Variants in NOTCH1 observed in about 807,000 individuals in gnomAD.
The protein encoded by NOTCH1 is notch receptor 1.
A neutral mutation model predicts 254.8 loss-of-function variants in NOTCH1; 37 were observed. The observed-to-expected ratio is 0.15, with a 90% confidence interval of 0.11 to 0.19. The LOEUF (loss-of-function observed/expected upper bound fraction) is 0.19. Ranked by LOEUF, NOTCH1 falls within the 10% of genes least tolerant of loss-of-function variation. The pLI is 1.00. For missense variants in NOTCH1, 2,972 were observed against 3,708.6 expected, an observed-to-expected ratio of 0.80 and a Z score of 5.16; for synonymous variants, 1,731 against 1,618.1, an observed-to-expected ratio of 1.07 and a Z score of -1.68.
Position 136,515,775 on chromosome 9 carries a change from C to A in NOTCH1, c.1670-59G>T, listed in dbSNP as rs55824162. On this transcript the variant is annotated intron_variant, in intron 10 of 33. Coordinates refer to ENST00000651671, the MANE Select transcript of NOTCH1 (RefSeq NM_017617.5). ...TAGGACTGGCGGCCCCCGGGACACC[C>A]ATGACCAGACCTGGGGTCACCTGTG... The A allele has an allele frequency of 2.6e-3, 3,872 of 1,467,898 alleles. 13 individuals are homozygous for A. The highest frequency in any genetic ancestry group is 3.2e-3 in the Non-Finnish European group (3,512 of 1,089,730). 90.9% of individuals were successfully genotyped at this position (1,467,898 alleles called of 1,614,324 possible).
At chr9:136,507,182 C>T in intron 22 of NOTCH1, 123 bp downstream of exon 22, 1 of 1,561,040 alleles carries the variant, frequency 6.4e-7, no homozygotes, top group East Asian at 2.3e-5. Context: ...GCCTTGGCCT[C>T]ACACAGGAAA....
In NOTCH1 at chr9:136,536,567, C is replaced by T. The variant is rs375684148; in HGVS notation, c.140+7457G>A. Reference sequence around the variant, plus strand: ...ATGTGTCCAAAGCCTCACTGCCCCCCGCTGCCCCAGCCACCGCCGCTCCTT... The same window carrying T: ...ATGTGTCCAAAGCCTCACTGCCCCCTGCTGCCCCAGCCACCGCCGCTCCTT... On this transcript the variant is annotated intron_variant, in intron 2 of 33. Transcript: ENST00000651671. 1.8e-4 allele frequency among the ~76,000 whole-genome samples: 28 copies of T among 152,352 alleles called. No homozygotes were observed. The East Asian group carries it at 3.9e-3, about 21-fold the overall frequency.
rs575992010 is a variant in NOTCH1 at position 136,513,605 on chromosome 9, G to A, written c.2208-68C>T. On this transcript the variant is annotated intron_variant, in intron 13 of 33. Transcript: ENST00000651671. This position sits in a 1 kb window ranked among gnomAD's most constrained non-coding sequence, Gnocchi z 4.7. ...GCACGGCCGGGGCCTGGGCACTCCC[G>A]GGTCTGCAATGCCCTATGGGCTGGC... The A allele has an allele frequency of 5.2e-5, 82 of 1,580,272 alleles. 1 individual carries two copies. The highest frequency in any genetic ancestry group is 1.0e-4 in the Admixed American group (6 of 58,518).
chr9:136,540,061 G>C lies in NOTCH1; in HGVS notation c.140+3963C>G, dbSNP rs1313393277. 1.3e-5 allele frequency among the ~76,000 whole-genome samples: 2 copies of C among 152,198 alleles called. No homozygotes were observed. Among genetic ancestry groups the C allele is most frequent in the Admixed American group, 1.3e-4 (2 of 15,286 alleles). On this transcript the variant is annotated intron_variant, in intron 2 of 33. Transcript: ENST00000651671. This position sits in a 1 kb window ranked among gnomAD's most constrained non-coding sequence, Gnocchi z 4.4. The stretch of plus-strand genomic sequence containing the variant: ...TTCTGCCACTGCTGTGTGACCCTGG[G>C]GCTGATGGCGACTTCTCTGGGTCTC...
Position 136,515,618 on chromosome 9 carries a change from G to A in NOTCH1, c.1768C>T (p.Leu590Phe), listed in dbSNP as rs867530106. Residue 590 changes from leucine to phenylalanine, a missense_variant, in exon 11 of 34, where the codon CTC (leucine) becomes TTC (phenylalanine). By Grantham distance (22) the Leu-to-Phe change is conservative. Coordinates refer to ENST00000651671, the MANE Select transcript of NOTCH1 (RefSeq NM_017617.5). ...TGGCCCGTGTAGCCTGGGCGGCAGA[G>A]GCAGGTGAAGGTGGCGACGCCGTCC... ...CKDGVATFTC[L>F]CRPGYTGHHC... 2 of 1,607,446 alleles carry A rather than the reference G, an allele frequency of 1.2e-6. No homozygotes were observed. Among genetic ancestry groups the A allele is most frequent in the Admixed American group, 1.7e-5 (1 of 59,664 alleles).
At chr9:136,510,914 T>A in intron 16 of NOTCH1, 109 bp from the exon 17 acceptor site, 1 of 1,488,212 alleles carries the variant, frequency 6.7e-7, no homozygotes, top group South Asian at 1.1e-5. Flanking sequence ...GGAGTAGGCT[T>A]CCGTGACCCC....
rs925293836 is a variant in NOTCH1 at position 136,515,598 on chromosome 9, C to T, written c.1788G>A (p.Thr596=). 22 of 1,609,842 alleles carry T rather than the reference C, an allele frequency of 1.4e-5. No individual in the cohort carries two copies. The highest frequency in any genetic ancestry group is 5.0e-5 in the Admixed American group (3 of 59,858). Residue 596 remains threonine (T), a synonymous_variant, in exon 11 of 34, where the codon ACG becomes ACA. Coordinates refer to ENST00000651671, the MANE Select transcript of NOTCH1 (RefSeq NM_017617.5). The part of the protein sequence containing the change: ...TFTCLCRPGY[T]GHHCETNINE... ...TGATGTTGGTCTCGCAGTGGTGGCC[C>T]GTGTAGCCTGGGCGGCAGAGGCAGG... is the stretch of plus-strand genomic sequence containing the variant.
chr9:136,501,901 C>A lies in NOTCH1; in HGVS notation c.5485G>T (p.Val1829Leu). 1 of 1,611,808 alleles carries A rather than the reference C, an allele frequency of 6.2e-7. No homozygotes were observed. The highest frequency in any genetic ancestry group is 1.6e-4 in the Middle Eastern group (1 of 6,062). Reference sequence around the variant, plus strand: ...TGGTCGTCCAGGTCAGGCAGAACCACGGGCTCCTCGAACTACATAGAGGGA... The same window carrying A: ...TGGTCGTCCAGGTCAGGCAGAACCAAGGGCTCCTCGAACTACATAGAGGGA... ...ETKKFRFEEP[V>L]VLPDLDDQTD... Residue 1829 changes from valine (V) to leucine (L), a missense_variant, in exon 30 of 34, where the codon GTG becomes TTG. Physicochemically the swap from Val to Leu is conservative, Grantham distance 32. Around this residue, in one of 8 missense-constraint regions of NOTCH1, gnomAD observed 421 missense variants for 604.4 expected, o/e 0.70. Coordinates refer to ENST00000651671, the MANE Select transcript of NOTCH1 (RefSeq NM_017617.5).
intron 16 of NOTCH1, 111 bp downstream of exon 16, chr9:136,511,041 C>T (rs1041158493): frequency 2.0e-6 from 3 of 1,532,916 alleles, no homozygotes; most frequent in African/African-American, 1.4e-5. Flanking sequence ...GCCTCCTCAG[C>T]ACCCACCAGC....
At chr9:136,542,163 G>A (rs1490447181) in intron 2 of NOTCH1, among the ~76,000 whole-genome samples, 1 of 152,174 alleles carries the variant, frequency 6.6e-6, no homozygotes, top group Non-Finnish European at 1.5e-5. Context: ...TCTGGCCCAG[G>A]GAGACCTCAG....
rs781672648 is a variant in NOTCH1 at position 136,504,948 on chromosome 9, C to A, written c.4743G>T (p.Pro1581=). ...AGGAGCTGTTGCGCAGCTGCTCCGG[C>A]GGCATCAGCACCACCACCACCAGCG... ...AGTLVVVVLM[P]PEQLRNSSFH... Residue 1581 remains proline (P), a synonymous_variant, in exon 26 of 34, where the codon CCG becomes CCT. Coordinates refer to ENST00000651671, the MANE Select transcript of NOTCH1 (RefSeq NM_017617.5). 1 of 1,587,628 alleles carries A rather than the reference C, an allele frequency of 6.3e-7. No homozygotes were observed.
chr9:136,505,232 C>T, intron 25 of NOTCH1, 78 bp downstream of exon 25: 2 of 1,527,292 alleles, frequency 1.3e-6, no homozygotes, highest in Non-Finnish European at 1.8e-6. Context: ...CTTAGAACTG[C>T]ATGCTGGCCT....
intron 2 of NOTCH1, among the ~76,000 whole-genome samples, chr9:136,529,060 C>G (rs1843518326): frequency 6.6e-6 from 1 of 152,172 alleles, no homozygotes; most frequent in Admixed American, 6.5e-5. Flanking sequence ...CACCCCCACG[C>G]CCTCCCCAGA....
At position 136,513,480 on chromosome 9, in the gene NOTCH1, A is replaced by G. The variant is rs2229971; in HGVS notation, c.2265T>C (p.Asn755=). 0.33 allele frequency: 538,295 copies of G among 1,611,992 alleles called. 101,261 individuals carry two copies. Among genetic ancestry groups the G allele is most frequent in the East Asian group, 0.77 (34,400 of 44,852 alleles). The part of the protein sequence containing the change: ...WSGTNCDINN[N]ECESNPCVNG... ...TGACACAAGGGTTGGATTCACACTC[A>G]TTGTTGTTGATGTCACAGTTGGTCC... The change falls in exon 14 of 34, where the codon AAT becomes AAC. Residue 755 remains asparagine, a synonymous_variant. Coordinates refer to ENST00000651671, the MANE Select transcript of NOTCH1 (RefSeq NM_017617.5). This position sits in a 1 kb window ranked among gnomAD's most constrained non-coding sequence, Gnocchi z 4.7.
At chr9:136,502,165 G>A in intron 28 of NOTCH1, 77 bp from the exon 29 acceptor site, 1 of 1,592,406 alleles carries the variant, frequency 6.3e-7, no homozygotes, top group Non-Finnish European at 8.6e-7. Flanking sequence ...CCCGGGCCTG[G>A]CGTGGGAGGT....
rs1589051567 is a variant in NOTCH1 at position 136,494,534 on chromosome 9, A to G, written c.*1537T>C. The G allele has an allele frequency of 2.5e-6, 1 of 399,034 alleles. No homozygotes were observed. Among genetic ancestry groups the G allele is most frequent in the Non-Finnish European group, 4.4e-6 (1 of 226,070 alleles). The allele number at this position is 399,034 out of a possible 1,614,324, so 24.7% of individuals were successfully genotyped here. A position where few individuals can be genotyped will look rare whatever the true frequency, so the allele number is the denominator to read the frequency against. Reference sequence around the variant, plus strand: ...CAGTTCCTCATGTAGATCACTTTTAAAGTCTTTTTCTGTAAACTACACTCT... The same window carrying G: ...CAGTTCCTCATGTAGATCACTTTTAGAGTCTTTTTCTGTAAACTACACTCT... On this transcript the variant is annotated 3_prime_UTR_variant, in exon 34 of 34. Coordinates refer to ENST00000651671, the MANE Select transcript of NOTCH1 (RefSeq NM_017617.5).
chr9:136,507,941 G>A lies in NOTCH1; in HGVS notation c.3510+14C>T. 6.2e-7 allele frequency: 1 copy of A among 1,611,896 alleles called. No homozygotes were observed. The highest frequency in any genetic ancestry group is 1.1e-5 in the South Asian group (1 of 91,080). ...CGTGCCGGCCACAACCCTTACCCTA[G>A]GAGGGACCCCCACCTTGCAGGAGTA... On this transcript the variant is annotated intron_variant, in intron 21 of 33. Coordinates refer to ENST00000651671, the MANE Select transcript of NOTCH1 (RefSeq NM_017617.5).
chr9:136,501,556 G>A (rs752552906), intron 30 of NOTCH1, among the ~76,000 whole-genome samples, 192 bp downstream of exon 30: 3 of 152,168 alleles, frequency 2.0e-5, no homozygotes, highest in Non-Finnish European at 4.4e-5. Flanking sequence ...CCCCAGGAAG[G>A]GGTTGGTGGA....
At chr9:136,514,135 G>T (rs1440531088) in intron 13 of NOTCH1, among the ~76,000 whole-genome samples, 1 of 152,200 alleles carries the variant, frequency 6.6e-6, no homozygotes, top group Non-Finnish European at 1.5e-5. Context: ...TGCCTTCTCT[G>T]CGCCAAATGA....
Sources: gnomAD v4.1 joint callset for allele counts (sites outside exome capture counted in the v4.1 genomes callset) on GRCh38, gnomAD v4.1.1 for gene constraint, gnomAD v4.1.1 regional missense constraint, Gnocchi (gnomAD v3.1) non-coding constraint, MANE v1.5 for transcripts, NCBI Gene and HGNC (gene_info 2026-07-23, HGNC 2026-07-21) for gene names.